TRIM41: variants seen among roughly 807,000 people sequenced by gnomAD.
The protein encoded by TRIM41 is tripartite motif containing 41, also known as E3 ubiquitin-protein ligase TRIM41.
In TRIM41, 21 loss-of-function variants were observed where a neutral mutation model predicts 60.6. That is an observed-to-expected ratio of 0.35 (90% CI 0.25 to 0.50). TRIM41 has a LOEUF of 0.50. Among genes scored for constraint, TRIM41 ranks in the 20% least tolerant of loss-of-function variants. The pLI is 0.98. For missense variants in TRIM41, 846 were observed against 868.3 expected (o/e 0.97, Z 0.32); for synonymous variants, 407 against 344.9 (o/e 1.18, Z -2.00).
rs377183502 is a variant in TRIM41, at chr5:181,230,761, C to T, written c.831C>T (p.His277=). The T allele has an allele frequency of 3.4e-5, 55 of 1,612,836 alleles. No homozygotes were observed. Among genetic ancestry groups the T allele is most frequent in the Non-Finnish European group, 4.3e-5 (51 of 1,179,406 alleles). Reference sequence around the variant, plus strand: ...TTCCTCAGGCCAAACTGCAGGGGCACGTGGAACCACTGAGGAAGCACCTGG... The same window carrying T: ...TTCCTCAGGCCAAACTGCAGGGGCATGTGGAACCACTGAGGAAGCACCTGG... The part of the protein sequence containing the change: ...VQEYKAKLQG[H]VEPLRKHLEA... The change falls in exon 2 of 6, where the codon CAC becomes CAT. Residue 277 remains histidine, a synonymous_variant. Transcript: ENST00000315073.
In TRIM41 at chr5:181,233,489, C is replaced by G. The variant is rs751951893; in HGVS notation, c.1163+54C>G. The G allele has an allele frequency of 2.0e-5, 33 of 1,613,942 alleles. No homozygotes were observed. Among genetic ancestry groups the G allele is most frequent in the Non-Finnish European group, 2.8e-5 (33 of 1,179,978 alleles). ...CCCAGTGGCATCTGGTTCCCTGTCCCTGCTTCTCTTCGGTATCCCTCTCCT... is the reference window on the plus strand; with the variant it reads ...CCCAGTGGCATCTGGTTCCCTGTCCGTGCTTCTCTTCGGTATCCCTCTCCT... On this transcript the variant is annotated intron_variant, in intron 4 of 5. Coordinates refer to ENST00000315073, the MANE Select transcript of TRIM41 (RefSeq NM_033549.5). This position sits in a 1 kb window ranked among gnomAD's most constrained non-coding sequence, Gnocchi z 4.1.
At position 181,224,068 on chromosome 5, in the gene TRIM41, C is replaced by T. The variant is rs1248000420; in HGVS notation, c.69C>T (p.Cys23=). The stretch of plus-strand genomic sequence containing the variant: ...AGGAGGAGGCGGTGTGCGCCATCTG[C>T]CTCGATTACTTCACGGACCCCGTGT... The part of the protein sequence containing the change: ...TLQEEAVCAI[C]LDYFTDPVSI... Residue 23 remains cysteine (C), a synonymous_variant, in exon 1 of 6, where the codon TGC becomes TGT. Coordinates refer to ENST00000315073, the MANE Select transcript of TRIM41 (RefSeq NM_033549.5). The T allele has an allele frequency of 6.2e-7, 1 of 1,614,260 alleles. No individual in the cohort carries two copies. The highest frequency in any genetic ancestry group is 8.5e-7 in the Non-Finnish European group (1 of 1,180,056).
rs184549225 is a variant in TRIM41 at position 181,223,999 on chromosome 5, G to A, written c.-1G>A. Reference sequence around the variant, plus strand: ...TCTACACTGGCTGGCTGGACACTAAGATGGCTGCCGTTGCCATGACACCCA... The same window carrying A: ...TCTACACTGGCTGGCTGGACACTAAAATGGCTGCCGTTGCCATGACACCCA... On this transcript the variant is annotated 5_prime_UTR_variant, in exon 1 of 6. Coordinates refer to ENST00000315073, the MANE Select transcript of TRIM41 (RefSeq NM_033549.5). 2.1e-5 allele frequency: 33 copies of A among 1,609,614 alleles called. No individual in the cohort carries two copies. In the East Asian group the frequency reaches 6.7e-4, roughly 33 times the overall value.
chr5:181,226,048 C>T (rs903661249), intron 1 of TRIM41: 1 of 152,014 alleles, frequency 6.6e-6, no homozygotes, highest in Non-Finnish European at 1.5e-5. Context: ...AGTGGTACAG[C>T]TAGACATACC....
rs1000942115 is a variant in TRIM41 at position 181,230,762 on chromosome 5, G to T, written c.832G>T (p.Val278Leu). The T allele has an allele frequency of 3.1e-6, 5 of 1,612,988 alleles. No homozygotes were observed. In the African/African-American group the frequency reaches 4.0e-5, roughly 13 times the overall value. ...QEYKAKLQGH[V>L]EPLRKHLEAV... The stretch of plus-strand genomic sequence containing the variant: ...TCCTCAGGCCAAACTGCAGGGGCAC[G>T]TGGAACCACTGAGGAAGCACCTGGA... The change falls in exon 2 of 6, where the codon GTG (valine) becomes TTG (leucine). Residue 278 changes from valine (V) to leucine (L), a missense_variant. Transcript: ENST00000315073.
At chr5:181,230,148 CAGCTGTG>C (rs1403234103) in intron 1 of TRIM41, 1 of 152,310 alleles carries the variant, frequency 6.6e-6, no homozygotes. Flanking sequence ...CACTTCCCCT[CAGCTGTG>C]AGCGTGGGAG....
chr5:181,226,004 T>A (rs890685975), intron 1 of TRIM41: 1 of 152,232 alleles, frequency 6.6e-6, no homozygotes, highest in Non-Finnish European at 1.5e-5. Flanking sequence ...TTACCCCAAT[T>A]TTAGAGTAAT....
Position 181,235,159 on chromosome 5 carries a change from C to T in TRIM41, c.*384C>T. On this transcript the variant is annotated 3_prime_UTR_variant, in exon 6 of 6. Coordinates refer to ENST00000315073, the MANE Select transcript of TRIM41 (RefSeq NM_033549.5). The stretch of plus-strand genomic sequence containing the variant: ...CTGCTCTTCAACCTCTTTATCAGTT[C>T]TGAGGCTGGAGGGTTTGGGCAAGGC... 1 of 1,540,800 alleles carries T rather than the reference C, an allele frequency of 6.5e-7. No homozygotes were observed. The highest frequency in any genetic ancestry group is 8.8e-7 in the Non-Finnish European group (1 of 1,141,958).
intron 1 of TRIM41, chr5:181,225,089 C>G: frequency 1.9e-6 from 1 of 517,786 alleles, no homozygotes; most frequent in South Asian, 2.1e-5. Flanking sequence ...TAGGGCTTTA[C>G]CAGAAGTCTC....
Position 181,235,330 on chromosome 5 carries a change from C to T in TRIM41, c.*555C>T, listed in dbSNP as rs374002368. On this transcript the variant is annotated 3_prime_UTR_variant, in exon 6 of 6. Transcript: ENST00000315073. The stretch of plus-strand genomic sequence containing the variant: ...GAGGAGGGATTCTAAACTTTCCTTC[C>T]GTCCTCAATTTCTACCTCCATAGAC... The T allele has an allele frequency of 2.8e-5, 46 of 1,614,050 alleles. No individual in the cohort carries two copies. The highest frequency in any genetic ancestry group is 4.5e-5 in the East Asian group (2 of 44,896).
rs1311360060 is a variant in TRIM41, at chr5:181,224,434, G to A, written c.435G>A (p.Leu145=). The A allele has an allele frequency of 4.3e-6, 7 of 1,613,456 alleles. No individual in the cohort carries two copies. Among genetic ancestry groups the A allele is most frequent in the Non-Finnish European group, 5.9e-6 (7 of 1,179,646 alleles). Residue 145 remains leucine (L), a synonymous_variant, in exon 1 of 6, where the codon CTG becomes CTA. Transcript: ENST00000315073. ...TGGGGGACATGGAGGAGGAGGACCT[G>A]AGGGGGGAGGATGAGGAGGACGAGG... The part of the protein sequence containing the change: ...YYLGDMEEED[L]RGEDEEDEEE...
chr5:181,230,669 G>T, intron 1 of TRIM41, 75 bp from the exon 2 acceptor site: 1 of 1,222,872 alleles, frequency 8.2e-7, no homozygotes. Flanking sequence ...TCTTGCTATA[G>T]GGAGGATTGC....
At position 181,234,850 on chromosome 5, in the gene TRIM41, G is replaced by C. The variant is rs1759007881; in HGVS notation, c.*75G>C. ...GGTGGAGGGTGGCCCGTAAGTTTGA[G>C]GGCTCAAAGGCTCTTCCCACTGCTT... is the stretch of plus-strand genomic sequence containing the variant. On this transcript the variant is annotated 3_prime_UTR_variant, in exon 6 of 6. Coordinates refer to ENST00000315073, the MANE Select transcript of TRIM41 (RefSeq NM_033549.5). This position sits in a 1 kb window ranked among gnomAD's most constrained non-coding sequence, Gnocchi z 5.6. 6 of 1,608,014 alleles carry C rather than the reference G, an allele frequency of 3.7e-6. No homozygotes were observed. The highest frequency in any genetic ancestry group is 5.1e-6 in the Non-Finnish European group (6 of 1,177,740).
rs1488356283 is a variant in TRIM41 at position 181,233,305 on chromosome 5, T to C, written c.1141-108T>C. ...CGTGAGGGTGCTGCTTCTCCCTTCC[T>C]GCTCAGGTTCAGTCTCTGACTGGAG... On this transcript the variant is annotated intron_variant, in intron 3 of 5. Coordinates refer to ENST00000315073, the MANE Select transcript of TRIM41 (RefSeq NM_033549.5). The surrounding 1 kb of genome is among the most constrained non-coding windows in gnomAD (Gnocchi z 4.1). 2.6e-5 allele frequency: 31 copies of C among 1,177,146 alleles called. No individual in the cohort carries two copies. The highest frequency in any genetic ancestry group is 8.9e-6 in the Non-Finnish European group (7 of 790,746). The allele number at this position is 1,177,146 out of a possible 1,614,324, so 72.9% of individuals were successfully genotyped here.
At position 181,234,895 on chromosome 5, in the gene TRIM41, C is replaced by T. The variant is rs2113195500; in HGVS notation, c.*120C>T. ...CTGCTTGTTACTGTGTTGCTTCCCACTCCCCCTTGACCCCAGGCCCCTGCT... is the reference window on the plus strand; with the variant it reads ...CTGCTTGTTACTGTGTTGCTTCCCATTCCCCCTTGACCCCAGGCCCCTGCT... On this transcript the variant is annotated 3_prime_UTR_variant, in exon 6 of 6. Transcript: ENST00000315073. This position sits in a 1 kb window ranked among gnomAD's most constrained non-coding sequence, Gnocchi z 5.6. 3 of 1,612,520 alleles carry T rather than the reference C, an allele frequency of 1.9e-6. No homozygotes were observed. Among genetic ancestry groups the T allele is most frequent in the Middle Eastern group, 1.7e-4 (1 of 6,048 alleles).
rs766435010 is a variant in TRIM41, at chr5:181,235,408, A to C, written c.*633A>C. On this transcript the variant is annotated 3_prime_UTR_variant, in exon 6 of 6. Coordinates refer to ENST00000315073, the MANE Select transcript of TRIM41 (RefSeq NM_033549.5). ...AGATCTGGAATGGTCGCCATGATTG[A>C]AACCACGCACCATTACATCATCATT... The C allele has an allele frequency of 6.2e-7, 1 of 1,614,196 alleles. No individual in the cohort carries two copies. The highest frequency in any genetic ancestry group is 2.2e-5 in the East Asian group (1 of 44,892).
At position 181,234,382 on chromosome 5, in the gene TRIM41, G is replaced by A. The variant is rs1461004389; in HGVS notation, c.1500G>A (p.Val500=). Residue 500 remains valine, a synonymous_variant, in exon 6 of 6, where the codon GTG becomes GTA. Transcript: ENST00000315073. The surrounding 1 kb of genome is among the most constrained non-coding windows in gnomAD (Gnocchi z 5.6). ...TGGGCGGGCGGCGGGGCTGGGCGGT[G>A]GGTGCTGCCCGTGAATCAACCCATC... The part of the protein sequence containing the change: ...VEVGGRRGWA[V]GAARESTHHK... 1 of 1,550,896 alleles carries A rather than the reference G, an allele frequency of 6.4e-7. No homozygotes were observed. Among genetic ancestry groups the A allele is most frequent in the Admixed American group, 1.9e-5 (1 of 51,438 alleles).
Position 181,224,439 on chromosome 5 carries a change from GGGA to G in TRIM41, c.444_446del (p.Glu148del). 1 of 1,613,274 alleles carries G rather than the reference GGGA, an allele frequency of 6.2e-7. No individual in the cohort carries two copies. The highest frequency in any genetic ancestry group is 8.5e-7 in the Non-Finnish European group (1 of 1,179,592). Reference sequence around the variant, plus strand: ...GACATGGAGGAGGAGGACCTGAGGGGGGAGGATGAGGAGGACGAGGAGGAAGTG... The same window carrying G: ...GACATGGAGGAGGAGGACCTGAGGGGGGATGAGGAGGACGAGGAGGAAGTG... On this transcript the variant is annotated inframe_deletion, in exon 1 of 6. Coordinates refer to ENST00000315073, the MANE Select transcript of TRIM41 (RefSeq NM_033549.5).
rs776377325 is a variant in TRIM41 at position 181,235,020 on chromosome 5, G to C, written c.*245G>C. 8.7e-6 allele frequency: 14 copies of C among 1,613,992 alleles called. 1 individual carries two copies. Among genetic ancestry groups the C allele is most frequent in the Non-Finnish European group, 1.1e-5 (13 of 1,179,970 alleles). On this transcript the variant is annotated 3_prime_UTR_variant, in exon 6 of 6. Transcript: ENST00000315073. ...GGTCTGCATGGGTCCCTGATAATGAGAACAGCTGCCTGGTCTTCTCTCCCA... is the reference window on the plus strand; with the variant it reads ...GGTCTGCATGGGTCCCTGATAATGACAACAGCTGCCTGGTCTTCTCTCCCA...
Sources: allele counts gnomAD v4.1 joint callset, GRCh38; gene constraint gnomAD v4.1.1; non-coding constraint Gnocchi (gnomAD v3.1); transcripts MANE v1.5; gene names NCBI Gene and HGNC (gene_info 2026-07-23, HGNC 2026-07-21).